STAM2: variants seen among roughly 807,000 people sequenced by gnomAD.
STAM2 encodes signal transducing adaptor molecule 2.
A neutral mutation model predicts 65.6 loss-of-function variants in STAM2; 51 were observed. The observed-to-expected ratio is 0.78, with a 90% CI of 0.62 to 0.98. The LOEUF (loss-of-function observed/expected upper bound fraction) is 0.98. Among genes scored for constraint, STAM2 ranks in the 50% least tolerant of loss-of-function variants. STAM2 has a pLI of 0.00. For missense variants in STAM2, 584 were observed against 617.8 expected, an observed-to-expected ratio of 0.95 and a Z score of 0.58; for synonymous variants, 198 against 208.4, an observed-to-expected ratio of 0.95 and a Z score of 0.43.
chr2:152,128,959 A>G (rs1037588430), intron 11 of STAM2, among the ~76,000 whole-genome samples: 2 of 152,240 alleles, frequency 1.3e-5, no homozygotes, highest in Admixed American at 6.5e-5. Flanking sequence ...ACAAGGGTAA[A>G]TAATAGTCAA....
At chr2:152,171,045 A>C (rs574849816) in intron 1 of STAM2, among the ~76,000 whole-genome samples, 3 of 152,196 alleles carry the variant, frequency 2.0e-5, no homozygotes, top group Admixed American at 6.5e-5. Context: ...ACAAAAAGAC[A>C]CCATTTTTAA....
At chr2:152,157,061 T>C (rs1689568425) in intron 1 of STAM2, among the ~76,000 whole-genome samples, 5 of 152,102 alleles carry the variant, frequency 3.3e-5, no homozygotes. Flanking sequence ...GCTTTCTGCC[T>C]TGGAATACTT....
intron 1 of STAM2, among the ~76,000 whole-genome samples, chr2:152,153,885 T>TACACACACACACACACACACAC (rs70974824): frequency 6.9e-6 from 1 of 144,856 alleles, no homozygotes; most frequent in African/African-American, 2.6e-5. Context: ...AGACATTACA[T>TACACACACACACACACACACAC]ACACACACAC....
At chr2:152,170,792 T>C (rs1689884173) in intron 1 of STAM2, among the ~76,000 whole-genome samples, 1 of 152,198 alleles carries the variant, frequency 6.6e-6, no homozygotes, top group African/African-American at 2.4e-5. Context: ...GGTCAGGAGT[T>C]CGAAACTGGC....
chr2:152,140,482 T>C (rs1689225616), intron 7 of STAM2, among the ~76,000 whole-genome samples: 1 of 152,216 alleles, frequency 6.6e-6, no homozygotes, highest in African/African-American at 2.4e-5. Flanking sequence ...GCAATGACAA[T>C]GACTGAAGGT....
In STAM2 at chr2:152,159,616, C is replaced by T. The variant is rs533379322; in HGVS notation, c.41-9387G>A. 1.4e-4 allele frequency among the ~76,000 whole-genome samples: 21 copies of T among 152,262 alleles called. No homozygotes were observed. The East Asian group carries it at 4.1e-3, about 29-fold the overall frequency. ...CATGAGTGATCACTTCTGAGTCCTC[C>T]CGCATGGAGAGCTCACCCACTGGGG... is the stretch of plus-strand genomic sequence containing the variant. On this transcript the variant is annotated intron_variant, in intron 1 of 13. Coordinates refer to ENST00000263904, the MANE Select transcript of STAM2 (RefSeq NM_005843.6).
chr2:152,167,740 A>T (rs1689814183), intron 1 of STAM2, among the ~76,000 whole-genome samples: 1 of 148,180 alleles, frequency 6.7e-6, no homozygotes, highest in African/African-American at 2.5e-5. Flanking sequence ...AGAAAAAAAT[A>T]AATAAATAAA....
chr2:152,175,476 GC>G, intron 1 of STAM2, 126 bp downstream of exon 1: 1 of 1,253,192 alleles, frequency 8.0e-7, no homozygotes, highest in Non-Finnish European at 1.1e-6. Flanking sequence ...GGAGCGGGCG[GC>G]ACCGCCCCTC....
intron 1 of STAM2, among the ~76,000 whole-genome samples, chr2:152,175,139 G>A (rs915079815): frequency 3.9e-5 from 6 of 152,204 alleles, no homozygotes; most frequent in African/African-American, 1.4e-4. Flanking sequence ...GGGGAAGTAA[G>A]TTCTTCCTAT....
rs113594277 is a variant in STAM2, at chr2:152,143,627, T to G, written c.704+200A>C. ...TACATCTTTCATCCAAGATATAAATTATCAAATATAACAAACATAAATTAT... is the reference window on the plus strand; with the variant it reads ...TACATCTTTCATCCAAGATATAAATGATCAAATATAACAAACATAAATTAT... On this transcript the variant is annotated intron_variant, in intron 7 of 13. Transcript: ENST00000263904. 3.3e-5 allele frequency among the ~76,000 whole-genome samples: 5 copies of G among 152,320 alleles called. 1 individual carries two copies. The highest frequency in any genetic ancestry group is 9.6e-5 in the African/African-American group (4 of 41,568).
chr2:152,169,844 G>T, intron 1 of STAM2, among the ~76,000 whole-genome samples: 1 of 150,866 alleles, frequency 6.6e-6, no homozygotes, highest in Non-Finnish European at 1.5e-5. Flanking sequence ...GGGCAACTTT[G>T]CAAGAGCTAC....
rs372747385 is a variant in STAM2 at position 152,164,199 on chromosome 2, C to T, written c.40+11404G>A. ...CTTTCTCTCTATTTCTCAGACTGGC[C>T]GACACTTAGGAAAAATAGAACCTAT... On this transcript the variant is annotated intron_variant, in intron 1 of 13. Transcript: ENST00000263904. Among the ~76,000 whole-genome samples, 131 of 152,194 alleles carry T rather than the reference C, an allele frequency of 8.6e-4. 1 individual carries two copies. The highest frequency in any genetic ancestry group is 2.7e-3 in the African/African-American group (111 of 41,536).
At chr2:152,172,068 T>C (rs918889816) in intron 1 of STAM2, among the ~76,000 whole-genome samples, 8 of 152,240 alleles carry the variant, frequency 5.3e-5, no homozygotes, top group Admixed American at 2.6e-4. Context: ...AACCAGGCTC[T>C]ACCTCAAGAT....
intron 1 of STAM2, among the ~76,000 whole-genome samples, chr2:152,150,620 G>A (rs1689426027): frequency 6.6e-6 from 1 of 152,178 alleles, no homozygotes; most frequent in Non-Finnish European, 1.5e-5. Context: ...GGGCAATATA[G>A]ATAGACCCTG....
chr2:152,166,871 G>A (rs902558336), intron 1 of STAM2, among the ~76,000 whole-genome samples: 1 of 152,112 alleles, frequency 6.6e-6, no homozygotes, highest in African/African-American at 2.4e-5. Context: ...TAGTACAAAT[G>A]AGAAGTAAAA....
At chr2:152,146,431 C>T (rs541693939) in intron 5 of STAM2, among the ~76,000 whole-genome samples, 269 of 152,012 alleles carry the variant, frequency 1.8e-3, no homozygotes, top group Non-Finnish European at 3.3e-3. Flanking sequence ...TATTTTTCTC[C>T]CCTAGACCTA....
chr2:152,128,319 A>C (rs1446406885), intron 11 of STAM2, among the ~76,000 whole-genome samples: 1 of 152,054 alleles, frequency 6.6e-6, no homozygotes, highest in Non-Finnish European at 1.5e-5. Flanking sequence ...AGGCTGAGGG[A>C]AGAGAATGGT....
In STAM2 at chr2:152,145,928, T is replaced by C. The variant is rs576543968; in HGVS notation, c.448-971A>G. On this transcript the variant is annotated intron_variant, in intron 5 of 13. Transcript: ENST00000263904. ...GTTTCCTTTTTATTACTTATAAGAC[T>C]CTTATCTCAAAACGTTACCTTGTAC... 3.3e-5 allele frequency among the ~76,000 whole-genome samples: 5 copies of C among 152,280 alleles called. No individual in the cohort carries two copies. The East Asian group carries it at 9.6e-4, about 29-fold the overall frequency.
chr2:152,123,706 T>C (rs548208895), intron 13 of STAM2, 60 bp downstream of exon 13: 1 of 1,506,158 alleles, frequency 6.6e-7, no homozygotes, highest in South Asian at 1.2e-5. Context: ...CTATATATTC[T>C]CATTCTGAAA....
Sources: gnomAD v4.1 joint callset for allele counts (sites outside exome capture counted in the v4.1 genomes callset) on GRCh38, gnomAD v4.1.1 for gene constraint, MANE v1.5 for transcripts, NCBI Gene and HGNC (gene_info 2026-07-23, HGNC 2026-07-21) for gene names.